GALNTL6: variants seen among roughly 807,000 people sequenced by gnomAD.
GALNTL6 encodes polypeptide N-acetylgalactosaminyltransferase like 6.
A neutral mutation model predicts 73.7 loss-of-function variants in GALNTL6; 46 were observed. The ratio of observed to expected loss-of-function variants is 0.62; its 90% CI spans 0.49 to 0.80. The LOEUF is 0.80. Among genes scored for constraint, GALNTL6 ranks in the 30% least tolerant of loss-of-function variants. GALNTL6 has a pLI of 0.00. For synonymous variants in GALNTL6, 259 were observed against 263.7 expected (o/e 0.98, Z 0.17); for missense variants, 604 against 755.0 (o/e 0.80, Z 2.34).
rs1485495915 is a variant in GALNTL6 at position 172,410,830 on chromosome 4, T to TTG, written c.553+62144_553+62145dup. On this transcript the variant is annotated intron_variant, in intron 5 of 12. Coordinates refer to ENST00000506823, the MANE Select transcript of GALNTL6 (RefSeq NM_001034845.3). Reference sequence around the variant, plus strand: ...TTATTTTCTGGGTTGCTTTATGATGTTGTGACACAATGATTTTCCCTCCTA... The same window carrying TTG: ...TTATTTTCTGGGTTGCTTTATGATGTTGTGTGACACAATGATTTTCCCTCCTA... Among the ~76,000 whole-genome samples the TTG allele has an allele frequency of 2.6e-5, 4 of 152,112 alleles. No homozygotes were observed. In the South Asian group the frequency reaches 8.3e-4, roughly 31 times the overall value.
At chr4:172,936,605 CA>C in intron 9 of GALNTL6, among the ~76,000 whole-genome samples, 1 of 152,262 alleles carries the variant, frequency 6.6e-6, no homozygotes, top group South Asian at 2.1e-4. Flanking sequence ...GTGCAAAAAT[CA>C]CAAGCATTCC....
intron 5 of GALNTL6, among the ~76,000 whole-genome samples, chr4:172,453,104 G>A (rs574659780): frequency 2.0e-5 from 3 of 152,096 alleles, no homozygotes; most frequent in Non-Finnish European, 2.9e-5. Flanking sequence ...CGGAGGCTGC[G>A]GCAGAAGAAT....
At chr4:172,490,250 T>C (rs1422546073) in intron 5 of GALNTL6, among the ~76,000 whole-genome samples, 1 of 152,140 alleles carries the variant, frequency 6.6e-6, no homozygotes, top group Non-Finnish European at 1.5e-5. Flanking sequence ...TGTTTACATA[T>C]GTAGTTGGTT....
chr4:172,976,008 C>T (rs925804614), intron 10 of GALNTL6, among the ~76,000 whole-genome samples: 5 of 152,166 alleles, frequency 3.3e-5, no homozygotes, highest in Admixed American at 2.0e-4. Flanking sequence ...GAGCTCCGCC[C>T]GCTTAACTCG....
chr4:172,561,673 G>A (rs1463620159), intron 5 of GALNTL6, among the ~76,000 whole-genome samples: 1 of 152,150 alleles, frequency 6.6e-6, no homozygotes, highest in Non-Finnish European at 1.5e-5. Context: ...ATATGTTAAT[G>A]TGCTGGTTCT....
chr4:171,878,381 G>A (rs1274218155), intron 2 of GALNTL6, among the ~76,000 whole-genome samples: 1 of 152,126 alleles, frequency 6.6e-6, no homozygotes, highest in Non-Finnish European at 1.5e-5. Flanking sequence ...TTCATGTAAA[G>A]ATGCCAACAA....
chr4:171,986,550 G>C (rs974925693), intron 2 of GALNTL6, among the ~76,000 whole-genome samples: 2 of 152,142 alleles, frequency 1.3e-5, no homozygotes, highest in South Asian at 4.1e-4. Flanking sequence ...GGGTGGTATG[G>C]AGAGATAATG....
At chr4:172,508,036 GT>G (rs1226285222) in intron 5 of GALNTL6, among the ~76,000 whole-genome samples, 1 of 55,154 alleles carries the variant, frequency 1.8e-5, no homozygotes, top group African/African-American at 4.5e-5. Context: ...CATGGAAAAC[GT>G]TTTAGCATGG....
At chr4:172,127,836 C>T (rs984535136) in intron 2 of GALNTL6, among the ~76,000 whole-genome samples, 4 of 152,116 alleles carry the variant, frequency 2.6e-5, no homozygotes, top group African/African-American at 9.7e-5. Context: ...GGCGTGGTGG[C>T]TCAAGCCTGA....
intron 5 of GALNTL6, chr4:172,425,425 A>G (rs577442117): frequency 7.2e-5 from 11 of 152,254 alleles, no homozygotes; most frequent in South Asian, 2.1e-4. Flanking sequence ...AATGATGAAT[A>G]AATAATCAAT....
At chr4:172,792,671 C>CTTTTT (rs71594009) in intron 5 of GALNTL6, among the ~76,000 whole-genome samples, 2 of 135,688 alleles carry the variant, frequency 1.5e-5, no homozygotes, top group East Asian at 2.1e-4. Context: ...CATAGTTTAG[C>CTTTTT]TTTTTTTTTT....
At chr4:171,841,262 A>G (rs1735232850) in intron 2 of GALNTL6, among the ~76,000 whole-genome samples, 1 of 152,204 alleles carries the variant, frequency 6.6e-6, no homozygotes, top group Non-Finnish European at 1.5e-5. Context: ...ATATTAATTA[A>G]TGGTGGATAA....
chr4:172,311,037 A>C (rs1234906198), intron 3 of GALNTL6, among the ~76,000 whole-genome samples: 2 of 152,254 alleles, frequency 1.3e-5, no homozygotes, highest in Admixed American at 1.3e-4. Flanking sequence ...TGAGGAATAT[A>C]TATTTTACTG....
chr4:172,221,806 A>G (rs1055160417), intron 2 of GALNTL6, among the ~76,000 whole-genome samples: 1 of 151,786 alleles, frequency 6.6e-6, no homozygotes, highest in Non-Finnish European at 1.5e-5. Flanking sequence ...CCTACATCAT[A>G]TGCTTAGATG....
In GALNTL6 at chr4:172,069,488, C is replaced by CACATAACAT. The variant is rs1553989733; in HGVS notation, c.139-160167_139-160166insCATAACATA. On this transcript the variant is annotated intron_variant, in intron 2 of 12. Transcript: ENST00000506823. ...TATAACATATATGTTATATATAACA[C>CACATAACAT]ATATGTTATATGTATAACACATATA... is the stretch of plus-strand genomic sequence containing the variant. Among the ~76,000 whole-genome samples the CACATAACAT allele has an allele frequency of 5.8e-5, 4 of 69,206 alleles. 1 individual carries two copies. In the South Asian group the frequency reaches 1.7e-3, roughly 29 times the overall value. 45.4% of individuals were successfully genotyped at this position (69,206 alleles called of 152,430 possible). A position where few individuals can be genotyped will look rare whatever the true frequency, so the allele number is the denominator to read the frequency against.
intron 5 of GALNTL6, among the ~76,000 whole-genome samples, chr4:172,617,267 A>G (rs1227964325): frequency 6.6e-6 from 1 of 151,918 alleles, no homozygotes; most frequent in Non-Finnish European, 1.5e-5. Flanking sequence ...CTTTTGTAAT[A>G]ACAGCATCTC....
intron 2 of GALNTL6, among the ~76,000 whole-genome samples, chr4:172,055,072 A>G (rs538781987): frequency 2.6e-5 from 4 of 152,270 alleles, no homozygotes; most frequent in South Asian, 4.1e-4. Context: ...CAAATGGAAG[A>G]CAGAATCTCA....
intron 11 of GALNTL6, among the ~76,000 whole-genome samples, chr4:173,010,589 T>G (rs905227647): frequency 1.3e-5 from 2 of 151,908 alleles, no homozygotes; most frequent in Non-Finnish European, 2.9e-5. Context: ...TTTGTTGTTT[T>G]TTTTGTTTTG....
At chr4:172,087,453 A>C (rs1481172550) in intron 2 of GALNTL6, among the ~76,000 whole-genome samples, 6 of 144,446 alleles carry the variant, frequency 4.2e-5, no homozygotes, top group South Asian at 2.2e-4. Context: ...CCAAAAAAAA[A>C]AAAAACAAAA....
Sources: gnomAD v4.1 joint callset for allele counts (sites outside exome capture counted in the v4.1 genomes callset) on GRCh38, gnomAD v4.1.1 for gene constraint, MANE v1.5 for transcripts, NCBI Gene and HGNC (gene_info 2026-07-23, HGNC 2026-07-21) for gene names.